CNTNAP2: variants seen among roughly 807,000 people sequenced by gnomAD.
The protein encoded by CNTNAP2 is contactin associated protein 2.
A neutral mutation model predicts 155.2 loss-of-function variants in CNTNAP2; 98 were observed. That is an observed-to-expected ratio of 0.63 (90% confidence interval 0.54 to 0.75). The LOEUF is 0.75. CNTNAP2 is among the 30% of genes least tolerant of loss of function. CNTNAP2 has a pLI of 0.00. For missense variants in CNTNAP2, 1,727 were observed against 1,688.1 expected (o/e 1.02, Z -0.40); for synonymous variants, 651 against 631.2 (o/e 1.03, Z -0.47).
chr7:146,942,589 A>C (rs1797077933), intron 3 of CNTNAP2, among the ~76,000 whole-genome samples: 1 of 152,180 alleles, frequency 6.6e-6, no homozygotes. Flanking sequence ...CCGACACTGC[A>C]GTGGGAGGAA....
At chr7:148,223,716 C>T (rs1034726430) in intron 19 of CNTNAP2, among the ~76,000 whole-genome samples, 11 of 152,110 alleles carry the variant, frequency 7.2e-5, no homozygotes, top group African/African-American at 2.7e-4. Context: ...ATTTAAAGTT[C>T]CAACTCATCT....
intron 3 of CNTNAP2, among the ~76,000 whole-genome samples, chr7:146,879,646 G>A (rs1202074227): frequency 6.6e-6 from 1 of 152,008 alleles, no homozygotes; most frequent in East Asian, 1.9e-4. Flanking sequence ...ACAAATGCCT[G>A]GGTCCAGAAC....
chr7:147,040,727 C>T (rs1799244884), intron 3 of CNTNAP2, among the ~76,000 whole-genome samples: 2 of 151,978 alleles, frequency 1.3e-5, no homozygotes, highest in South Asian at 4.2e-4. Flanking sequence ...TCCCAAAGTG[C>T]TGTGATTACA....
chr7:148,102,869 C>T (rs991841768), intron 15 of CNTNAP2, among the ~76,000 whole-genome samples: 3 of 152,148 alleles, frequency 2.0e-5, no homozygotes, highest in Non-Finnish European at 4.4e-5. Context: ...GTTAAGGTTG[C>T]GGGCCCATGA....
chr7:147,261,450 C>A (rs1804463277), intron 8 of CNTNAP2, among the ~76,000 whole-genome samples: 1 of 152,052 alleles, frequency 6.6e-6, no homozygotes, highest in South Asian at 2.1e-4. Flanking sequence ...CTAAATAGCT[C>A]CACATACAAT....
intron 8 of CNTNAP2, among the ~76,000 whole-genome samples, chr7:147,261,258 G>A (rs868566930): frequency 5.3e-5 from 8 of 152,230 alleles, no homozygotes; most frequent in Middle Eastern, 3.4e-3. Flanking sequence ...TCCAGGCACC[G>A]CCAGGTTAAA....
intron 8 of CNTNAP2, among the ~76,000 whole-genome samples, chr7:147,198,257 A>G (rs1371623418): frequency 2.2e-4 from 8 of 36,990 alleles, no homozygotes; most frequent in African/African-American, 4.6e-4. Context: ...TTTTTTTGAG[A>G]CGAAGTCTCG....
At chr7:147,535,243 T>C (rs982896721) in intron 11 of CNTNAP2, among the ~76,000 whole-genome samples, 2 of 151,864 alleles carry the variant, frequency 1.3e-5, no homozygotes, top group African/African-American at 2.4e-5. Context: ...AAATACAAAA[T>C]TATCTGGGCC....
chr7:147,785,884 T>A (rs945763665), intron 13 of CNTNAP2, among the ~76,000 whole-genome samples: 1 of 151,330 alleles, frequency 6.6e-6, no homozygotes, highest in Non-Finnish European at 1.5e-5. Context: ...CCTAGCTACT[T>A]GGAAGGCTGA....
intron 3 of CNTNAP2, among the ~76,000 whole-genome samples, chr7:146,848,834 G>A (rs1794814536): frequency 6.6e-6 from 1 of 152,178 alleles, no homozygotes; most frequent in Admixed American, 6.5e-5. Flanking sequence ...GTGCAGTAGA[G>A]CGATTTCAGC....
At chr7:146,363,178 A>G (rs1041605595) in intron 1 of CNTNAP2, among the ~76,000 whole-genome samples, 1 of 152,162 alleles carries the variant, frequency 6.6e-6, no homozygotes, top group Non-Finnish European at 1.5e-5. Flanking sequence ...AATTTTTTCT[A>G]ATAATCTTAT....
intron 1 of CNTNAP2, among the ~76,000 whole-genome samples, chr7:146,770,312 G>T (rs2129185226): frequency 7.8e-6 from 1 of 127,552 alleles, no homozygotes; most frequent in East Asian, 2.1e-4. Flanking sequence ...ATATATGTGT[G>T]TGTATACACA....
chr7:147,166,933 A>G (rs1802125074), intron 8 of CNTNAP2, among the ~76,000 whole-genome samples: 1 of 152,170 alleles, frequency 6.6e-6, no homozygotes, highest in African/African-American at 2.4e-5. Context: ...ATAAAATAAA[A>G]CAAAATCTGA....
intron 1 of CNTNAP2, among the ~76,000 whole-genome samples, chr7:146,665,788 A>AAAAAAAAC (rs1554464853): frequency 1.4e-5 from 2 of 142,038 alleles, no homozygotes; most frequent in East Asian, 4.5e-4. Context: ...CTCATTAAAA[A>AAAAAAAAC]AAAAAAAAAA....
intron 21 of CNTNAP2, among the ~76,000 whole-genome samples, chr7:148,312,144 A>G (rs1231529317): frequency 1.3e-5 from 2 of 152,198 alleles, no homozygotes; most frequent in African/African-American, 4.8e-5. Flanking sequence ...GCATGCAGAC[A>G]TGAGGGCTAG....
intron 15 of CNTNAP2, among the ~76,000 whole-genome samples, chr7:147,993,513 C>T (rs961066500): frequency 2.0e-5 from 3 of 152,142 alleles, no homozygotes; most frequent in Non-Finnish European, 2.9e-5. Context: ...CCAAAAAAGT[C>T]GCTTGTGTCT....
At chr7:147,632,215 A>C (rs1232940432) in intron 12 of CNTNAP2, among the ~76,000 whole-genome samples, 1 of 152,188 alleles carries the variant, frequency 6.6e-6, no homozygotes, top group Non-Finnish European at 1.5e-5. Context: ...GACAACAAAC[A>C]TATGAAAACA....
chr7:147,006,308 G>A (rs988487596), intron 3 of CNTNAP2, among the ~76,000 whole-genome samples: 1 of 152,000 alleles, frequency 6.6e-6, no homozygotes, highest in Non-Finnish European at 1.5e-5. Flanking sequence ...TTATGTAGGT[G>A]TCTTCTCAAT....
intron 3 of CNTNAP2, among the ~76,000 whole-genome samples, chr7:146,960,571 A>C (rs373436441): frequency 1.3e-5 from 2 of 152,228 alleles, no homozygotes; most frequent in African/African-American, 4.8e-5. Context: ...ACACTGCAGC[A>C]ATTGTCATAC....
Sources: allele counts gnomAD v4.1 joint callset (sites outside exome capture counted in the v4.1 genomes callset), GRCh38; gene constraint gnomAD v4.1.1; transcripts MANE v1.5; gene names NCBI Gene and HGNC (gene_info 2026-07-23, HGNC 2026-07-21).